The following KLHL4 variants were observed in gnomAD, a reference collection of about 807,000 sequenced individuals.
KLHL4 encodes kelch like family member 4.
Under a neutral mutation model 45.8 loss-of-function variants are expected in KLHL4, and 17 were observed. The observed-to-expected ratio is 0.37, with a 90% CI of 0.25 to 0.56. The LOEUF (loss-of-function observed/expected upper bound fraction) is 0.56, where lower values mean the gene tolerates loss of function less well. KLHL4 is among the 20% of genes least tolerant of loss of function. The pLI is 0.79. For synonymous variants in KLHL4, 224 were observed against 189.9 expected, an observed-to-expected ratio of 1.18 and a Z score of -1.47; for missense variants, 544 against 544.9, an observed-to-expected ratio of 1.00 and a Z score of 0.02.
chrX:87,594,020 G>A (rs781285037), intron 1 of KLHL4, among the ~76,000 whole-genome samples: 1 of 111,717 alleles, frequency 9.0e-6, no homozygotes, highest in African/African-American at 3.2e-5. Flanking sequence ...CCTATTAAGT[G>A]AATTGCTTTT....
At chrX:87,604,037 G>C (rs1348405238) in intron 1 of KLHL4, among the ~76,000 whole-genome samples, 3 of 110,312 alleles carry the variant, frequency 2.7e-5, no homozygotes, top group Non-Finnish European at 5.7e-5. Context: ...ATGTTCTCTA[G>C]GTCGATCCTT....
chrX:87,668,818 C>A lies in KLHL4; in HGVS notation c.*2284C>A, dbSNP rs1178139657. ...AGCTCTTACCAACAAGAAGGCCATC[C>A]CAGATATGGCCTCTCAACCTCAGAC... On this transcript the variant is annotated 3_prime_UTR_variant, in exon 11 of 11. Coordinates refer to ENST00000373119, the MANE Select transcript of KLHL4 (RefSeq NM_019117.5). The A allele has an allele frequency of 6.4e-6, 2 of 313,231 alleles. No individual in the cohort carries two copies. Among genetic ancestry groups the A allele is most frequent in the Non-Finnish European group, 8.5e-6 (2 of 236,532 alleles). The allele number at this position is 313,231 out of a possible 1,213,427, so 25.8% of individuals were successfully genotyped here. A position where few individuals can be genotyped will look rare whatever the true frequency, so the allele number is the denominator to read the frequency against.
chrX:87,646,231 G>T (rs775406272), intron 9 of KLHL4, among the ~76,000 whole-genome samples: 1 of 110,993 alleles, frequency 9.0e-6, no homozygotes, highest in Non-Finnish European at 1.9e-5. Flanking sequence ...AAACACTACT[G>T]AAAGAAAACA....
At chrX:87,552,706 TATATATAA>T (rs200116137) in intron 1 of KLHL4, among the ~76,000 whole-genome samples, 3 of 93,754 alleles carry the variant, frequency 3.2e-5, no homozygotes, top group East Asian at 4.5e-4. Flanking sequence ...TATATATATA[TATATATAA>T]CATGGCATTT....
At chrX:87,617,830 T>C in intron 3 of KLHL4, 102 bp from the exon 4 acceptor site, 4 of 606,491 alleles carry the variant, frequency 6.6e-6, no homozygotes, top group Non-Finnish European at 1.0e-5. Flanking sequence ...CTGAAAATCA[T>C]AGCTCTACTA....
chrX:87,656,500 A>G (rs971677173), intron 9 of KLHL4, among the ~76,000 whole-genome samples: 4 of 106,773 alleles, frequency 3.7e-5, no homozygotes, highest in Non-Finnish European at 7.7e-5. Context: ...GTATTTTGTA[A>G]TTCCTTCAAT....
At chrX:87,636,494 G>A (rs762491678) in intron 9 of KLHL4, among the ~76,000 whole-genome samples, 1 of 111,857 alleles carries the variant, frequency 8.9e-6, no homozygotes, top group East Asian at 2.8e-4. Flanking sequence ...CCCTCTGAGG[G>A]AGGTGGATTG....
chrX:87,594,039 T>C (rs1275387700), intron 1 of KLHL4, among the ~76,000 whole-genome samples: 1 of 111,662 alleles, frequency 9.0e-6, no homozygotes, highest in Non-Finnish European at 1.9e-5. Flanking sequence ...TTTAATTCTC[T>C]GACACCAAAA....
chrX:87,535,444 C>T (rs1382114855), intron 1 of KLHL4, among the ~76,000 whole-genome samples: 1 of 112,102 alleles, frequency 8.9e-6, no homozygotes, highest in Non-Finnish European at 1.9e-5. Context: ...CCTATAACTA[C>T]CGTACCAAAT....
intron 1 of KLHL4, among the ~76,000 whole-genome samples, chrX:87,560,800 C>G (rs935363907): frequency 3.6e-5 from 4 of 111,527 alleles, no homozygotes; most frequent in Non-Finnish European, 7.5e-5. Flanking sequence ...ATTTTTAATT[C>G]TTAACAATAT....
intron 10 of KLHL4, 27 bp from the exon 11 acceptor site, chrX:87,666,448 T>G: frequency 8.7e-7 from 1 of 1,154,039 alleles, no homozygotes; most frequent in Non-Finnish European, 1.2e-6. Context: ...GTTCCAACAG[T>G]GTTTTGTTTC....
rs903241697 is a variant in KLHL4, at chrX:87,581,317, A to G, written c.423-32560A>G. Among the ~76,000 whole-genome samples the G allele has an allele frequency of 1.8e-4, 20 of 112,255 alleles. 1 individual carries two copies. Among genetic ancestry groups the G allele is most frequent in the African/African-American group, 5.8e-4 (18 of 30,937 alleles). ...TATTGGCCTTGGAGAGGCCAAACCA[A>G]TTGGGGGCTGAAGAGATCCCCAACA... is the stretch of plus-strand genomic sequence containing the variant. On this transcript the variant is annotated intron_variant, in intron 1 of 10. Coordinates refer to ENST00000373119, the MANE Select transcript of KLHL4 (RefSeq NM_019117.5).
At position 87,523,004 on chromosome X, in the gene KLHL4, C is replaced by A. The variant is rs1331766088; in HGVS notation, c.422+4689C>A. Among the ~76,000 whole-genome samples, 4 of 111,449 alleles carry A rather than the reference C, an allele frequency of 3.6e-5. No homozygotes were observed. The South Asian group carries it at 1.5e-3, about 42-fold the overall frequency. ...CTTGGTGATACTTTGGAGACATATTCTTTTATGATTAAACATAGTTATTAT... is the reference window on the plus strand; with the variant it reads ...CTTGGTGATACTTTGGAGACATATTATTTTATGATTAAACATAGTTATTAT... On this transcript the variant is annotated intron_variant, in intron 1 of 10. Coordinates refer to ENST00000373119, the MANE Select transcript of KLHL4 (RefSeq NM_019117.5).
chrX:87,667,799 T>C lies in KLHL4; in HGVS notation c.*1265T>C. On this transcript the variant is annotated 3_prime_UTR_variant, in exon 11 of 11. Coordinates refer to ENST00000373119, the MANE Select transcript of KLHL4 (RefSeq NM_019117.5). ...TTTTAAACAGTCTTTTTATTGTGGA[T>C]TGTGAAATCAAAATCTGGAGAAATG... The C allele has an allele frequency of 1.5e-6, 1 of 677,285 alleles. No homozygotes were observed. The allele number at this position is 677,285 out of a possible 1,213,427, so 55.8% of individuals were successfully genotyped here.
At chrX:87,523,037 A>G (rs1931034242) in intron 1 of KLHL4, among the ~76,000 whole-genome samples, 1 of 112,289 alleles carries the variant, frequency 8.9e-6, no homozygotes, top group South Asian at 3.6e-4. Context: ...TATTTCTGAT[A>G]TGTGAAAGAC....
At chrX:87,552,388 A>G (rs1048399240) in intron 1 of KLHL4, among the ~76,000 whole-genome samples, 5 of 111,036 alleles carry the variant, frequency 4.5e-5, no homozygotes, top group African/African-American at 1.6e-4. Context: ...AAATAAAAAT[A>G]AAAATAAAAA....
chrX:87,590,271 T>C lies in KLHL4; in HGVS notation c.423-23606T>C, dbSNP rs191384469. ...CCCATAAATATATACACCTACTATGTACCCACAAACATAAAAAATAAAATC... is the reference window on the plus strand; with the variant it reads ...CCCATAAATATATACACCTACTATGCACCCACAAACATAAAAAATAAAATC... On this transcript the variant is annotated intron_variant, in intron 1 of 10. Transcript: ENST00000373119. 1.1e-4 allele frequency among the ~76,000 whole-genome samples: 12 copies of C among 110,426 alleles called. No homozygotes were observed. The East Asian group carries it at 3.1e-3, about 29-fold the overall frequency.
chrX:87,562,401 T>C (rs7067066), intron 1 of KLHL4, among the ~76,000 whole-genome samples: 27,068 of 108,932 alleles, frequency 0.25, 2,905 homozygotes, highest in East Asian at 0.5. Context: ...AGGAGAGATC[T>C]AGGCCTGGCA....
At chrX:87,538,110 C>G (rs1312571332) in intron 1 of KLHL4, among the ~76,000 whole-genome samples, 1 of 111,812 alleles carries the variant, frequency 8.9e-6, no homozygotes, top group Non-Finnish European at 1.9e-5. Flanking sequence ...CCTTTCTTAA[C>G]TCCTTATTTC....
Sources: allele counts gnomAD v4.1 joint callset (sites outside exome capture counted in the v4.1 genomes callset), GRCh38; gene constraint gnomAD v4.1.1; transcripts MANE v1.5; gene names NCBI Gene and HGNC (gene_info 2026-07-23, HGNC 2026-07-21).